RAB11FIP3: variants seen among roughly 807,000 people sequenced by gnomAD.
RAB11FIP3 encodes the protein RAB11 family interacting protein 3.
RAB11FIP3 carries 17 observed loss-of-function variants against 77.8 expected under a neutral mutation model. The observed-to-expected ratio is 0.22, with a 90% CI of 0.15 to 0.33. The LOEUF (loss-of-function observed/expected upper bound fraction) is 0.33, where lower values mean the gene tolerates loss of function less well. RAB11FIP3 is among the 10% of genes least tolerant of loss of function. The pLI, the probability that RAB11FIP3 is intolerant of heterozygous loss-of-function variation, is 1.00. For synonymous variants in RAB11FIP3, 437 were observed against 448.2 expected (o/e 0.98, Z 0.31); for missense variants, 1,005 against 1,011.2 (o/e 0.99, Z 0.08).
chr16:430,889 C>T (rs1286337087), intron 1 of RAB11FIP3, among the ~76,000 whole-genome samples: 2 of 152,238 alleles, frequency 1.3e-5, no homozygotes, highest in African/African-American at 4.8e-5. Flanking sequence ...TATAGTGATA[C>T]TGCCCAGGCA....
intron 1 of RAB11FIP3, among the ~76,000 whole-genome samples, chr16:445,533 A>G (rs2055301198): frequency 6.6e-6 from 1 of 152,184 alleles, no homozygotes; most frequent in South Asian, 2.1e-4. Context: ...AAATAAAAAA[A>G]TGGACATTCT....
intron 1 of RAB11FIP3, among the ~76,000 whole-genome samples, chr16:456,484 G>A (rs556195799): frequency 6.0e-5 from 9 of 150,194 alleles, no homozygotes; most frequent in Non-Finnish European, 1.0e-4. Context: ...GGCTGGGCAC[G>A]GTGGCTCATG....
chr16:478,521 A>G (rs1317177591), intron 3 of RAB11FIP3, among the ~76,000 whole-genome samples: 2 of 152,118 alleles, frequency 1.3e-5, no homozygotes, highest in Non-Finnish European at 2.9e-5. Flanking sequence ...TACTAGAACT[A>G]GAGTGCAAAG....
chr16:426,053 G>GGCCCGACCCGGA lies in RAB11FIP3; in HGVS notation c.51_62dup (p.Asp18_Pro21dup). ...TCGCCCCCGGGCTCGGAGCCGCCGGGGCCCGACCCGGAGCCGGGCGGGCCG... is the reference window on the plus strand; with the variant it reads ...TCGCCCCCGGGCTCGGAGCCGCCGGGGCCCGACCCGGAGCCCGACCCGGAGCCGGGCGGGCCG... On this transcript the variant is annotated inframe_insertion, in exon 1 of 14. Transcript: ENST00000262305. The surrounding 1 kb of genome is among the most constrained non-coding windows in gnomAD (Gnocchi z 5.0). 1.0e-6 allele frequency: 1 copy of GGCCCGACCCGGA among 999,050 alleles called. No homozygotes were observed. The highest frequency in any genetic ancestry group is 1.2e-6 in the Non-Finnish European group (1 of 840,602). The allele number at this position is 999,050 out of a possible 1,614,324, so 61.9% of individuals were successfully genotyped here. A position where few individuals can be genotyped will look rare whatever the true frequency, so the allele number is the denominator to read the frequency against.
intron 1 of RAB11FIP3, chr16:451,317 A>C (rs2055404045): frequency 6.8e-6 from 1 of 147,980 alleles, no homozygotes; most frequent in Admixed American, 6.7e-5. Flanking sequence ...CCTGTACCTC[A>C]CCTTCCCCAC....
intron 6 of RAB11FIP3, among the ~76,000 whole-genome samples, chr16:498,296 C>T (rs558874205): frequency 6.6e-6 from 1 of 152,316 alleles, no homozygotes; most frequent in Admixed American, 6.5e-5. Context: ...ACCTCCTCCT[C>T]CTGAGGACCT....
chr16:442,073 G>A (rs903542043), intron 1 of RAB11FIP3, among the ~76,000 whole-genome samples: 1 of 152,180 alleles, frequency 6.6e-6, no homozygotes, highest in Non-Finnish European at 1.5e-5. Context: ...TCCTGACCTC[G>A]TGATCCGCCC....
At chr16:495,051 C>CACAT (rs1567395380) in intron 5 of RAB11FIP3, among the ~76,000 whole-genome samples, 484 of 94,708 alleles carry the variant, frequency 5.1e-3, no homozygotes, top group Admixed American at 0.01. Flanking sequence ...GAGGCTGCAG[C>CACAT]GAGCTGTGGT....
chr16:458,180 G>A (rs188892285), intron 1 of RAB11FIP3, among the ~76,000 whole-genome samples: 1 of 152,246 alleles, frequency 6.6e-6, no homozygotes, highest in African/African-American at 2.4e-5. Context: ...GGCCAGCCAC[G>A]GGGGCCCGGG....
At position 514,751 on chromosome 16, in the gene RAB11FIP3, C is replaced by A. The variant is rs544096223; in HGVS notation, c.1640+3951C>A. Among the ~76,000 whole-genome samples, 1 of 152,282 alleles carries A rather than the reference C, an allele frequency of 6.6e-6. No homozygotes were observed. Among genetic ancestry groups the A allele is most frequent in the Non-Finnish European group, 1.5e-5 (1 of 68,014 alleles). On this transcript the variant is annotated intron_variant, in intron 9 of 13. Coordinates refer to ENST00000262305, the MANE Select transcript of RAB11FIP3 (RefSeq NM_014700.4). This position sits in a 1 kb window ranked among gnomAD's most constrained non-coding sequence, Gnocchi z 4.6. ...TTCCAGAAAGTATGGGAGCCCCTGG[C>A]AGGCTGCAGAGAGCTGGAGTGAAGG...
At chr16:478,174 G>T (rs2055959396) in intron 3 of RAB11FIP3, among the ~76,000 whole-genome samples, 1 of 151,872 alleles carries the variant, frequency 6.6e-6, no homozygotes, top group Non-Finnish European at 1.5e-5. Flanking sequence ...GCCCTCGCAG[G>T]TCTTAGCACA....
intron 6 of RAB11FIP3, among the ~76,000 whole-genome samples, chr16:501,234 G>C (rs1235429483): frequency 6.6e-6 from 1 of 152,254 alleles, no homozygotes; most frequent in African/African-American, 2.4e-5. Context: ...TACGTCCCTA[G>C]CCAAGCTGTT....
intron 1 of RAB11FIP3, among the ~76,000 whole-genome samples, chr16:459,474 T>C (rs1383214696): frequency 1.3e-5 from 2 of 149,628 alleles, no homozygotes; most frequent in Non-Finnish European, 3.0e-5. Context: ...TCTCATTTTG[T>C]AGCCCAGGCT....
At chr16:502,910 C>T in intron 6 of RAB11FIP3, 94 bp from the exon 7 acceptor site, 1 of 1,027,220 alleles carries the variant, frequency 9.7e-7, no homozygotes, top group African/African-American at 1.6e-5. Flanking sequence ...ATGCTGCTGC[C>T]TGCTTTTCAG....
rs991642895 is a variant in RAB11FIP3 at position 471,959 on chromosome 16, G to A, written c.903+570G>A. Among the ~76,000 whole-genome samples, 2 of 152,222 alleles carry A rather than the reference G, an allele frequency of 1.3e-5. No individual in the cohort carries two copies. Among genetic ancestry groups the A allele is most frequent in the Non-Finnish European group, 2.9e-5 (2 of 68,042 alleles). On this transcript the variant is annotated intron_variant, in intron 3 of 13. Coordinates refer to ENST00000262305, the MANE Select transcript of RAB11FIP3 (RefSeq NM_014700.4). The surrounding 1 kb of genome is among the most constrained non-coding windows in gnomAD (Gnocchi z 4.4). ...GAGGGTTAGATTCCAGGAGAGCCAC[G>A]TGGCTGCAGCAGAAAATGCATGAAG... is the stretch of plus-strand genomic sequence containing the variant.
In RAB11FIP3 at chr16:440,539, C is replaced by T. The variant is rs78601003; in HGVS notation, c.714+13819C>T. Among the ~76,000 whole-genome samples the T allele has an allele frequency of 2.6e-3, 398 of 152,336 alleles. 4 individuals carry two copies. The East Asian group carries it at 0.03, about 12-fold the overall frequency. ...TACCTGGTGGGCATTCTCAGCTAGG[C>T]CTGGCCAGCTGGCATCTTAATTTCC... On this transcript the variant is annotated intron_variant, in intron 1 of 13. Coordinates refer to ENST00000262305, the MANE Select transcript of RAB11FIP3 (RefSeq NM_014700.4).
intron 8 of RAB11FIP3, among the ~76,000 whole-genome samples, chr16:508,240 C>A (rs2031970843): frequency 6.6e-6 from 1 of 152,216 alleles, no homozygotes; most frequent in Non-Finnish European, 1.5e-5. Flanking sequence ...GGTGCTGTGA[C>A]TGAGGAACCT....
intron 4 of RAB11FIP3, among the ~76,000 whole-genome samples, chr16:485,467 C>T (rs1372300157): frequency 6.6e-6 from 1 of 152,208 alleles, no homozygotes; most frequent in African/African-American, 2.4e-5. Context: ...GGCTGGAGTG[C>T]AGTGGCGCCA....
At chr16:463,103 C>T (rs1160012238) in intron 2 of RAB11FIP3, among the ~76,000 whole-genome samples, 1 of 152,158 alleles carries the variant, frequency 6.6e-6, no homozygotes, top group African/African-American at 2.4e-5. Context: ...TTCACACTCT[C>T]ACCAGTCCCC....
Sources: gnomAD v4.1 joint callset for allele counts (sites outside exome capture counted in the v4.1 genomes callset) on GRCh38, gnomAD v4.1.1 for gene constraint, Gnocchi (gnomAD v3.1) non-coding constraint, MANE v1.5 for transcripts, NCBI Gene and HGNC (gene_info 2026-07-23, HGNC 2026-07-21) for gene names.